JAKMIP3: variants seen among roughly 807,000 people sequenced by gnomAD.
JAKMIP3 encodes the protein janus kinase and microtubule-interacting protein 3.
Under a neutral mutation model 118.5 loss-of-function variants are expected in JAKMIP3, and 58 were observed. The ratio of observed to expected loss-of-function variants is 0.49; its 90% CI spans 0.40 to 0.61. The LOEUF (loss-of-function observed/expected upper bound fraction) is 0.61. Among genes scored for constraint, JAKMIP3 ranks in the 20% least tolerant of loss-of-function variants. The pLI is 0.00. For synonymous variants in JAKMIP3, 486 were observed against 451.2 expected (o/e 1.08, Z -0.98); for missense variants, 950 against 1,109.0 (o/e 0.86, Z 2.04).
intron 23 of JAKMIP3, among the ~76,000 whole-genome samples, chr10:132,176,974 G>A (rs1313128106): frequency 1.3e-5 from 2 of 152,054 alleles, no homozygotes; most frequent in African/African-American, 4.8e-5. Flanking sequence ...TCTTTGTTTA[G>A]AATCTTTCTG....
intron 11 of JAKMIP3, 127 bp from the exon 12 acceptor site, chr10:132,144,979 GA>G (rs2054315759): frequency 5.7e-6 from 4 of 704,306 alleles, no homozygotes; most frequent in Non-Finnish European, 9.7e-6. Flanking sequence ...TCTTCCAAAG[GA>G]AGGGCGAACA....
In JAKMIP3 at chr10:132,117,771, G is replaced by A. The variant is rs1182918082; in HGVS notation, c.633+197G>A. Among the ~76,000 whole-genome samples, 1 of 152,166 alleles carries A rather than the reference G, an allele frequency of 6.6e-6. No individual in the cohort carries two copies. The highest frequency in any genetic ancestry group is 1.5e-5 in the Non-Finnish European group (1 of 68,024). On this transcript the variant is annotated intron_variant, in intron 3 of 23. Transcript: ENST00000684848. This position sits in a 1 kb window ranked among gnomAD's most constrained non-coding sequence, Gnocchi z 8.6. ...GGTTTTGAGGACCCTAGAGTCACGA[G>A]ACCACTAGAAAAGGTTCAGACCCAC...
intron 11 of JAKMIP3, chr10:132,144,317 A>C (rs1442407635): frequency 6.6e-6 from 1 of 152,356 alleles, no homozygotes; most frequent in African/African-American, 2.4e-5. Flanking sequence ...TAAGGAACAC[A>C]GAATTCAGGA....
At chr10:132,037,151 C>T (rs1306285604) in intron 1 of JAKMIP3, among the ~76,000 whole-genome samples, 1 of 152,244 alleles carries the variant, frequency 6.6e-6, no homozygotes, top group African/African-American at 2.4e-5. Flanking sequence ...GGATGGCCAG[C>T]GTGGCCGTGG....
Position 132,066,039 on chromosome 10 carries a change from G to T in JAKMIP3, c.-160G>T, listed in dbSNP as rs1286251142. Among the ~76,000 whole-genome samples, 2 of 152,246 alleles carry T rather than the reference G, an allele frequency of 1.3e-5. No homozygotes were observed. The highest frequency in any genetic ancestry group is 2.9e-5 in the Non-Finnish European group (2 of 68,032). Reference sequence around the variant, plus strand: ...AGTCGAGCAGAGCGATGGGAGAGAGGAGCAGACAGCGAGCTTTGGAATGTG... The same window carrying T: ...AGTCGAGCAGAGCGATGGGAGAGAGTAGCAGACAGCGAGCTTTGGAATGTG... On this transcript the variant is annotated 5_prime_UTR_variant, in exon 1 of 24. Coordinates refer to ENST00000684848, the MANE Select transcript of JAKMIP3 (RefSeq NM_001323087.2).
chr10:132,042,159 C>T (rs2037776478), intron 1 of JAKMIP3, among the ~76,000 whole-genome samples: 1 of 138,338 alleles, frequency 7.2e-6, no homozygotes, highest in Admixed American at 7.3e-5. Flanking sequence ...AGCCACCGTG[C>T]CCCGCTAGTT....
intron 23 of JAKMIP3, chr10:132,181,431 G>A (rs1465549451): frequency 1.3e-5 from 2 of 152,172 alleles, no homozygotes; most frequent in African/African-American, 2.4e-5. Context: ...GTGTCACCGA[G>A]GGAAATCCCT....
chr10:132,180,546 C>CGTGCGTGTGTGT (rs1194411123), intron 23 of JAKMIP3, among the ~76,000 whole-genome samples: 1 of 15,948 alleles, frequency 6.3e-5, no homozygotes, highest in African/African-American at 3.8e-4. Context: ...TGTGTGTGTG[C>CGTGCGTGTGTGT]GTGCGTGCAT....
chr10:132,132,981 A>G (rs2050931129), intron 3 of JAKMIP3, among the ~76,000 whole-genome samples: 1 of 152,124 alleles, frequency 6.6e-6, no homozygotes, highest in African/African-American at 2.4e-5. Flanking sequence ...GTTTCTGCTG[A>G]CCCTGCTAGA....
chr10:132,180,634 CGT>C (rs1203408332), intron 23 of JAKMIP3, among the ~76,000 whole-genome samples: 3,121 of 12,756 alleles, frequency 0.24, 750 homozygotes, highest in East Asian at 0.67. Flanking sequence ...TGCGTGTGTG[CGT>C]GCGTGTGTGC....
rs1246834241 is a variant in JAKMIP3 at position 132,180,650 on chromosome 10, TGCGTGTGC to T, written c.*1104-1705_*1104-1698del. 0.022 allele frequency among the ~76,000 whole-genome samples: 618 copies of T among 28,204 alleles called. 106 individuals are homozygous for T. In the East Asian group the frequency reaches 0.34, roughly 15 times the overall value. The allele number at this position is 28,204 out of a possible 152,430, so 18.5% of individuals were successfully genotyped here. On this transcript the variant is annotated intron_variant, in intron 23 of 23. Transcript: ENST00000684848. ...GCGTGTGTGCGTGCGTGTGTGCGTG[TGCGTGTGC>T]GTGTGTGCGTGTGTGTGCGCGCGCG...
At chr10:132,109,509 C>T (rs1029813904) in intron 2 of JAKMIP3, among the ~76,000 whole-genome samples, 17 of 152,150 alleles carry the variant, frequency 1.1e-4, no homozygotes, top group South Asian at 2.1e-4. Flanking sequence ...GGTCCCCCTG[C>T]GCCCGGGCGT....
chr10:132,105,987 AAAG>A (rs147714572), intron 2 of JAKMIP3, among the ~76,000 whole-genome samples: 33,857 of 151,928 alleles, frequency 0.22, 4,260 homozygotes, highest in African/African-American at 0.35. Flanking sequence ...TGTCATATCA[AAAG>A]AAGAAGAATG....
chr10:132,040,322 G>C (rs147558690), intron 1 of JAKMIP3, among the ~76,000 whole-genome samples: 1 of 152,112 alleles, frequency 6.6e-6, no homozygotes. Context: ...CCAGAACTGC[G>C]AGAAATGTCT....
intron 1 of JAKMIP3, among the ~76,000 whole-genome samples, chr10:132,083,964 A>G (rs2134258115): frequency 6.6e-6 from 1 of 152,180 alleles, no homozygotes; most frequent in South Asian, 2.1e-4. Flanking sequence ...AAATCAGGTA[A>G]TGTGATTCTT....
intron 3 of JAKMIP3, among the ~76,000 whole-genome samples, chr10:132,131,420 T>G (rs2050567038): frequency 7.4e-6 from 1 of 135,424 alleles, no homozygotes; most frequent in African/African-American, 2.8e-5. Context: ...GCTTATGGGG[T>G]GAGGGTATGG....
intron 23 of JAKMIP3, among the ~76,000 whole-genome samples, chr10:132,172,717 A>T (rs1372491404): frequency 6.6e-6 from 1 of 150,992 alleles, no homozygotes; most frequent in Non-Finnish European, 1.5e-5. Context: ...CCTGCAAAGC[A>T]CTCTCTTCCT....
intron 1 of JAKMIP3, among the ~76,000 whole-genome samples, chr10:132,104,325 A>T (rs533896463): frequency 1.6e-4 from 24 of 152,124 alleles, no homozygotes; most frequent in Non-Finnish European, 2.6e-4. Context: ...CATTGCCGCC[A>T]TGTGGCCTCA....
At chr10:132,096,481 G>A (rs2043874985) in intron 1 of JAKMIP3, among the ~76,000 whole-genome samples, 1 of 152,184 alleles carries the variant, frequency 6.6e-6, no homozygotes, top group Non-Finnish European at 1.5e-5. Flanking sequence ...GGTGGTTACT[G>A]TACTTGGTTA....
Sources: allele counts gnomAD v4.1 joint callset (sites outside exome capture counted in the v4.1 genomes callset), GRCh38; gene constraint gnomAD v4.1.1; non-coding constraint Gnocchi (gnomAD v3.1); transcripts MANE v1.5; gene names NCBI Gene and HGNC (gene_info 2026-07-23, HGNC 2026-07-21).